The following PTPRK variants were observed in gnomAD, a reference collection of about 807,000 sequenced individuals.
The protein encoded by PTPRK is protein tyrosine phosphatase receptor type K.
A neutral mutation model predicts 178.0 loss-of-function variants in PTPRK; 75 were observed. The ratio of observed to expected loss-of-function variants is 0.42; its 90% CI spans 0.35 to 0.51. The LOEUF is 0.51. Ranked by LOEUF, PTPRK falls within the 20% of genes least tolerant of loss-of-function variation. The pLI, the probability that PTPRK is intolerant of heterozygous loss-of-function variation, is 0.02. For synonymous variants in PTPRK, 637 were observed against 620.6 expected (o/e 1.03, Z -0.39); for missense variants, 1,441 against 1,797.8 (o/e 0.80, Z 3.59).
intron 1 of PTPRK, among the ~76,000 whole-genome samples, chr6:128,413,303 C>T (rs867912171): frequency 3.3e-5 from 5 of 152,078 alleles, no homozygotes; most frequent in African/African-American, 4.8e-5. Context: ...AGAGAACATT[C>T]GCTGGTCCCT....
At chr6:128,066,293 A>G (rs1380363635) in intron 12 of PTPRK, among the ~76,000 whole-genome samples, 1 of 152,216 alleles carries the variant, frequency 6.6e-6, no homozygotes, top group Non-Finnish European at 1.5e-5. Flanking sequence ...TCAGTTCTTT[A>G]AAGGTAAACG....
chr6:128,356,688 T>C (rs760051575), intron 2 of PTPRK, among the ~76,000 whole-genome samples: 2 of 152,184 alleles, frequency 1.3e-5, no homozygotes, highest in Non-Finnish European at 2.9e-5. Context: ...ATTGCAATGT[T>C]TCATGGATAA....
intron 7 of PTPRK, among the ~76,000 whole-genome samples, chr6:128,182,665 T>C (rs1376656223): frequency 6.6e-6 from 1 of 152,146 alleles, no homozygotes; most frequent in Non-Finnish European, 1.5e-5. Context: ...TATAGTAATA[T>C]TTTTACTTAA....
chr6:128,104,234 T>A (rs575893933), intron 7 of PTPRK, among the ~76,000 whole-genome samples: 3 of 152,208 alleles, frequency 2.0e-5, no homozygotes, highest in Non-Finnish European at 4.4e-5. Flanking sequence ...TGTCTTTCCT[T>A]TTCTTTTTTT....
chr6:128,037,053 T>A (rs1010730732), intron 13 of PTPRK, among the ~76,000 whole-genome samples: 2 of 152,106 alleles, frequency 1.3e-5, no homozygotes, highest in African/African-American at 4.8e-5. Flanking sequence ...ATTCTTTTAG[T>A]TGTGCTTGGG....
chr6:128,135,677 T>C (rs1334551144), intron 7 of PTPRK, among the ~76,000 whole-genome samples: 2 of 152,174 alleles, frequency 1.3e-5, no homozygotes, highest in African/African-American at 2.4e-5. Context: ...AGGATATCCC[T>C]ATGCCCTCTG....
rs1018034412 is a variant in PTPRK, at chr6:128,116,240, C to T, written c.1163-26248G>A. On this transcript the variant is annotated intron_variant, in intron 7 of 29. Transcript: ENST00000368226. ...CTAAATTTAGATTTAGGACCTACAA[C>T]CTCTTAGAAATGAATTTTCTATGCT... Among the ~76,000 whole-genome samples the T allele has an allele frequency of 2.9e-4, 44 of 152,174 alleles. No individual in the cohort carries two copies. In the South Asian group the frequency reaches 3.5e-3, roughly 12 times the overall value.
At chr6:127,977,742 T>C (rs901203428) in intron 25 of PTPRK, among the ~76,000 whole-genome samples, 1 of 152,122 alleles carries the variant, frequency 6.6e-6, no homozygotes, top group African/African-American at 2.4e-5. Flanking sequence ...ATATTTCCTG[T>C]CCCCACATAA....
chr6:128,226,761 C>CATAT (rs71028117), intron 5 of PTPRK, among the ~76,000 whole-genome samples: 4,752 of 109,228 alleles, frequency 0.044, 182 homozygotes, highest in Non-Finnish European at 0.052. Flanking sequence ...ATTATATAGA[C>CATAT]ATATATATAT....
rs563382142 is a variant in PTPRK, at chr6:128,367,159, C to A, written c.223+30407G>T. On this transcript the variant is annotated intron_variant, in intron 2 of 29. Coordinates refer to ENST00000368226, the MANE Select transcript of PTPRK (RefSeq NM_002844.4). ...TCTGTTGACTTTTCTAACCCCATGC[C>A]TGGTATATGGTAGGCCCTTAATAAA... Among the ~76,000 whole-genome samples the A allele has an allele frequency of 5.9e-5, 9 of 152,232 alleles. No homozygotes were observed. In the South Asian group the frequency reaches 1.0e-3, roughly 18 times the overall value.
At chr6:128,277,396 T>C (rs1223317513) in intron 3 of PTPRK, among the ~76,000 whole-genome samples, 2 of 152,180 alleles carry the variant, frequency 1.3e-5, no homozygotes, top group Non-Finnish European at 2.9e-5. Context: ...AAGAAAATGA[T>C]TGTCTTTTGT....
At chr6:128,196,147 T>C (rs937263879) in intron 6 of PTPRK, among the ~76,000 whole-genome samples, 2 of 152,054 alleles carry the variant, frequency 1.3e-5, no homozygotes, top group African/African-American at 2.4e-5. Flanking sequence ...CATGGGCAAT[T>C]GGAGAATATG....
intron 13 of PTPRK, among the ~76,000 whole-genome samples, chr6:128,030,536 A>G (rs1216149038): frequency 6.6e-6 from 1 of 152,074 alleles, no homozygotes; most frequent in Non-Finnish European, 1.5e-5. Context: ...TAAGATATGG[A>G]TATTTCTTAG....
intron 7 of PTPRK, among the ~76,000 whole-genome samples, chr6:128,175,218 A>G (rs1800882817): frequency 6.6e-6 from 1 of 151,922 alleles, no homozygotes; most frequent in Non-Finnish European, 1.5e-5. Flanking sequence ...TATTGAGACT[A>G]AATGCCCAGA....
At chr6:128,001,210 T>C in intron 15 of PTPRK, 1 of 1,534,646 alleles carries the variant, frequency 6.5e-7, no homozygotes, top group Non-Finnish European at 8.8e-7. Flanking sequence ...TATAGGAACT[T>C]AAACCCAATG....
At chr6:128,320,558 G>A (rs1423209011) in intron 3 of PTPRK, among the ~76,000 whole-genome samples, 1 of 152,130 alleles carries the variant, frequency 6.6e-6, no homozygotes, top group Non-Finnish European at 1.5e-5. Context: ...ATATTTTTAA[G>A]GAGTGTGCTA....
chr6:128,127,202 C>T (rs1381687234), intron 7 of PTPRK, among the ~76,000 whole-genome samples: 2 of 152,146 alleles, frequency 1.3e-5, no homozygotes, highest in East Asian at 3.9e-4. Flanking sequence ...AACAGTTATT[C>T]CTGAAATTGG....
chr6:128,469,884 T>C (rs1264571511), intron 1 of PTPRK, among the ~76,000 whole-genome samples: 2 of 152,096 alleles, frequency 1.3e-5, no homozygotes, highest in Non-Finnish European at 2.9e-5. Flanking sequence ...GATAGGTGAC[T>C]TCTAGAAACT....
chr6:128,177,130 A>G (rs564700780), intron 7 of PTPRK, among the ~76,000 whole-genome samples: 47 of 151,894 alleles, frequency 3.1e-4, no homozygotes, highest in South Asian at 1.0e-3. Context: ...AAAAGTCTCA[A>G]ACTCACAGGC....
Sources: gnomAD v4.1 joint callset for allele counts (sites outside exome capture counted in the v4.1 genomes callset) on GRCh38, gnomAD v4.1.1 for gene constraint, MANE v1.5 for transcripts, NCBI Gene and HGNC (gene_info 2026-07-23, HGNC 2026-07-21) for gene names.